FBLN7: variants seen among roughly 807,000 people sequenced by gnomAD.
The protein encoded by FBLN7 is fibulin-7.
FBLN7 carries 31 observed loss-of-function variants against 44.0 expected under a neutral mutation model. That is an observed-to-expected ratio of 0.70 (90% CI 0.53 to 0.95). The LOEUF is 0.95. Among genes scored for constraint, FBLN7 ranks in the 40% least tolerant of loss-of-function variants. The probability of loss-of-function intolerance (pLI) is 0.00; values close to 1 mark genes in which losing one functional copy is unlikely to be tolerated. For missense variants in FBLN7, 573 were observed against 618.5 expected, an observed-to-expected ratio of 0.93 and a Z score of 0.78; for synonymous variants, 262 against 253.4, an observed-to-expected ratio of 1.03 and a Z score of -0.32.
chr2:112,154,834 G>A (rs992287641), intron 1 of FBLN7, among the ~76,000 whole-genome samples: 2 of 152,196 alleles, frequency 1.3e-5, no homozygotes, highest in African/African-American at 4.8e-5. Context: ...CCCCTGCCCA[G>A]ACTGAAAAGA....
At chr2:112,181,927 G>A (rs1428052100) in intron 5 of FBLN7, 51 bp downstream of exon 5, 4 of 1,510,076 alleles carry the variant, frequency 2.6e-6, no homozygotes, top group Non-Finnish European at 3.5e-6. Flanking sequence ...GAGGACATGG[G>A]GCGGGGAAGG....
intron 4 of FBLN7, among the ~76,000 whole-genome samples, chr2:112,179,397 A>G (rs1178127869): frequency 2.6e-5 from 4 of 152,208 alleles, no homozygotes; most frequent in Admixed American, 2.6e-4. Context: ...AATCAATATC[A>G]TTAAAATGGC....
chr2:112,199,200 C>T, the FBLN7 span, among the ~76,000 whole-genome samples: 1 of 152,244 alleles, frequency 6.6e-6, no homozygotes, highest in Non-Finnish European at 1.5e-5. Flanking sequence ...AGAAATTGCC[C>T]AGGGTGTCTT....
chr2:112,142,394 TG>T (rs1322126435), intron 1 of FBLN7, among the ~76,000 whole-genome samples: 1 of 152,204 alleles, frequency 6.6e-6, no homozygotes, highest in Non-Finnish European at 1.5e-5. Context: ...GTTTATTGTC[TG>T]TATTCCCACT....
At chr2:112,140,903 G>A (rs954596341) in intron 1 of FBLN7, among the ~76,000 whole-genome samples, 3 of 152,206 alleles carry the variant, frequency 2.0e-5, no homozygotes, top group African/African-American at 7.2e-5. Context: ...TGTTCTTGCC[G>A]TTGGCATTTG....
At position 112,181,820 on chromosome 2, in the gene FBLN7, G is replaced by A; in HGVS notation, c.614G>A (p.Cys205Tyr). The A allele has an allele frequency of 6.6e-7, 1 of 1,520,064 alleles. No individual in the cohort carries two copies. The highest frequency in any genetic ancestry group is 8.8e-7 in the Non-Finnish European group (1 of 1,140,316). 94.2% of individuals were successfully genotyped at this position (1,520,064 alleles called of 1,614,324 possible). ...GCGCAGGTGGAGCGGGCTCAGCACT[G>A]CAGCTGCGAGGCCGGATTCCACCTG... ...RCAQVERAQH[C>Y]SCEAGFHLSG... The change falls in exon 5 of 8, where the codon TGC (cysteine) becomes TAC (tyrosine). Residue 205 changes from cysteine to tyrosine, a missense_variant. Physicochemically the swap from Cys to Tyr is radical, Grantham distance 194. Transcript: ENST00000331203.
At chr2:112,189,530 T>C (rs1683413509), downstream of FBLN7, 1 of 152,252 alleles carries the variant, frequency 6.6e-6, no homozygotes, top group African/African-American at 2.4e-5. Context: ...ACTTTTCTTT[T>C]GTCCTTTCAG....
chr2:112,233,936 A>T, the FBLN7 span, among the ~76,000 whole-genome samples: 1 of 152,194 alleles, frequency 6.6e-6, no homozygotes, highest in East Asian at 1.9e-4. Context: ...TCGGCCTCCC[A>T]AACTGCTGGG....
intron 2 of FBLN7, among the ~76,000 whole-genome samples, chr2:112,160,694 A>ACGCGCACGCG (rs1558879667): frequency 1.7e-5 from 2 of 115,390 alleles, no homozygotes; most frequent in African/African-American, 7.1e-5. Context: ...ACGCACACGC[A>ACGCGCACGCG]CACACGCACG....
chr2:112,163,372 T>C (rs983397267), intron 2 of FBLN7, among the ~76,000 whole-genome samples: 1 of 152,256 alleles, frequency 6.6e-6, no homozygotes, highest in Non-Finnish European at 1.5e-5. Flanking sequence ...GCAACAGTTC[T>C]GTTTGTGCCT....
chr2:112,232,798 G>C, the FBLN7 span, among the ~76,000 whole-genome samples: 215 of 152,282 alleles, frequency 1.4e-3, 1 homozygote, highest in African/African-American at 5.1e-3. Flanking sequence ...TATGTTCCAT[G>C]TTTTTACAAC....
the FBLN7 span, among the ~76,000 whole-genome samples, chr2:112,210,169 G>GA: frequency 3.3e-5 from 5 of 152,014 alleles, no homozygotes; most frequent in Non-Finnish European, 5.9e-5. Context: ...ATGAGGTGGA[G>GA]AATGTGGTGG....
intron 4 of FBLN7, among the ~76,000 whole-genome samples, 172 bp from the exon 5 acceptor site, chr2:112,181,567 A>G (rs1436527602): frequency 2.0e-5 from 3 of 151,990 alleles, no homozygotes; most frequent in Non-Finnish European, 4.4e-5. Flanking sequence ...TAGGCCCTGG[A>G]CGGGTCGTCT....
At chr2:112,212,524 T>C in the FBLN7 span, 4 of 152,194 alleles carry the variant, frequency 2.6e-5, no homozygotes, top group African/African-American at 9.7e-5. Flanking sequence ...GCAGGTAGCA[T>C]AGTAGACAAC....
intron 6 of FBLN7, among the ~76,000 whole-genome samples, chr2:112,183,151 C>G (rs1053320839): frequency 1.3e-5 from 2 of 152,224 alleles, no homozygotes; most frequent in Non-Finnish European, 2.9e-5. Context: ...CTAGTCTTTT[C>G]CGACTTTATT....
the FBLN7 span, among the ~76,000 whole-genome samples, chr2:112,198,287 G>T: frequency 6.6e-6 from 1 of 152,136 alleles, no homozygotes; most frequent in Non-Finnish European, 1.5e-5. Context: ...GGGCTTTTGG[G>T]AGGTGATTAG....
At chr2:112,164,411 C>T (rs924425369) in intron 2 of FBLN7, among the ~76,000 whole-genome samples, 1 of 152,108 alleles carries the variant, frequency 6.6e-6, no homozygotes, top group Non-Finnish European at 1.5e-5. Context: ...TAAGAAAGTT[C>T]GGATGGTTAC....
chr2:112,191,713 TAA>T (rs2104619807), downstream of FBLN7, among the ~76,000 whole-genome samples: 1 of 152,328 alleles, frequency 6.6e-6, no homozygotes, highest in South Asian at 2.1e-4. Flanking sequence ...CTTACTGTTG[TAA>T]AGTTACTTGG....
At chr2:112,158,331 C>T (rs1681544226) in intron 1 of FBLN7, among the ~76,000 whole-genome samples, 1 of 152,184 alleles carries the variant, frequency 6.6e-6, no homozygotes, top group Non-Finnish European at 1.5e-5. Flanking sequence ...TGCAACCTCC[C>T]TCCCAGGCTC....
Sources: allele counts gnomAD v4.1 joint callset (sites outside exome capture counted in the v4.1 genomes callset), GRCh38; gene constraint gnomAD v4.1.1; transcripts MANE v1.5; gene names NCBI Gene and HGNC (gene_info 2026-07-23, HGNC 2026-07-21).